MEGF10: variants seen among roughly 807,000 people sequenced by gnomAD.
The protein encoded by MEGF10 is multiple epidermal growth factor-like domains protein 10.
In MEGF10, 86 loss-of-function variants were observed where a neutral mutation model predicts 147.5. The observed-to-expected ratio is 0.58, with a 90% CI of 0.49 to 0.70. The LOEUF is 0.70. MEGF10 is among the 30% of genes least tolerant of loss of function. The pLI is 0.00. For synonymous variants in MEGF10, 478 were observed against 525.5 expected, an observed-to-expected ratio of 0.91 and a Z score of 1.24; for missense variants, 1,329 against 1,487.3, an observed-to-expected ratio of 0.89 and a Z score of 1.75.
chr5:127,392,586 C>T (rs1763745416), intron 5 of MEGF10, among the ~76,000 whole-genome samples: 1 of 152,172 alleles, frequency 6.6e-6, no homozygotes, highest in Non-Finnish European at 1.5e-5. Context: ...AGCCTGTGCT[C>T]TTTATTTTCC....
At chr5:127,249,579 A>G in the MEGF10 span, among the ~76,000 whole-genome samples, 1 of 152,062 alleles carries the variant, frequency 6.6e-6, no homozygotes, top group East Asian at 1.9e-4. Flanking sequence ...AATGTACTAA[A>G]TATTACAATT....
At chr5:127,300,088 CT>C (rs1238592174) in intron 1 of MEGF10, 1 of 152,208 alleles carries the variant, frequency 6.6e-6, no homozygotes, top group Non-Finnish European at 1.5e-5. Flanking sequence ...CATTCCCCCC[CT>C]CTGTTACAGT....
At chr5:127,323,750 T>C (rs1298899804) in intron 1 of MEGF10, among the ~76,000 whole-genome samples, 1 of 152,202 alleles carries the variant, frequency 6.6e-6, no homozygotes, top group African/African-American at 2.4e-5. Flanking sequence ...CTGGTGGTTC[T>C]AGCTCAGGGT....
At chr5:127,347,938 A>G (rs1249902854) in intron 4 of MEGF10, among the ~76,000 whole-genome samples, 2 of 152,202 alleles carry the variant, frequency 1.3e-5, no homozygotes, top group South Asian at 2.1e-4. Context: ...CTAGTAAGAT[A>G]TATTAAAGTG....
At chr5:127,237,793 C>T in the MEGF10 span, among the ~76,000 whole-genome samples, 2 of 152,042 alleles carry the variant, frequency 1.3e-5, no homozygotes, top group African/African-American at 2.4e-5. Flanking sequence ...CCTCTCCCTC[C>T]ACCTCTTTGC....
chr5:127,269,094 C>T, the MEGF10 span, among the ~76,000 whole-genome samples: 52 of 152,264 alleles, frequency 3.4e-4, no homozygotes, highest in African/African-American at 1.2e-3. Context: ...CTGTTGGTCA[C>T]CATCATCAAA....
chr5:127,240,334 G>A, the MEGF10 span, among the ~76,000 whole-genome samples: 3 of 152,202 alleles, frequency 2.0e-5, no homozygotes, highest in African/African-American at 7.2e-5. Context: ...TAACATCCTA[G>A]TTGGAATTAT....
chr5:127,368,661 T>C (rs903348541), intron 4 of MEGF10, among the ~76,000 whole-genome samples: 11 of 152,190 alleles, frequency 7.2e-5, no homozygotes, highest in African/African-American at 1.9e-4. Flanking sequence ...ATGCCCTCCC[T>C]TATATATCTT....
rs1331964633 is a variant in MEGF10, at chr5:127,457,130, C to T, written c.3235C>T (p.Pro1079Ser). The T allele has an allele frequency of 1.2e-6, 2 of 1,609,650 alleles. No homozygotes were observed. Among genetic ancestry groups the T allele is most frequent in the African/African-American group, 1.3e-5 (1 of 74,964 alleles). The change falls in exon 25 of 25, where the codon CCT (proline) becomes TCT (serine). Residue 1079 changes from proline to serine, a missense_variant and splice_region_variant. Around this residue, in one of 3 missense-constraint regions of MEGF10, gnomAD observed 343 missense variants for 377.9 expected, o/e 0.91. Coordinates refer to ENST00000503335, the MANE Select transcript of MEGF10 (RefSeq NM_001256545.2). ...TAATATGTCCTTGGTTATCACAGAA[C>T]CTACAGTGAGTGTTGTCCAAGGAGT... ...SANRNVYEVE[P>S]TVSVVQGVFS... is the part of the protein sequence containing the mutation.
the MEGF10 span, among the ~76,000 whole-genome samples, chr5:127,245,613 C>G: frequency 1.3e-5 from 2 of 152,160 alleles, no homozygotes; most frequent in Non-Finnish European, 2.9e-5. Context: ...CAAATGCAAT[C>G]TAATTAAACT....
intron 13 of MEGF10, among the ~76,000 whole-genome samples, chr5:127,425,618 T>A (rs1289277991): frequency 6.6e-6 from 1 of 152,088 alleles, no homozygotes; most frequent in African/African-American, 2.4e-5. Context: ...AGAATTGGCT[T>A]ATTTTTTTTT....
chr5:127,398,373 A>T (rs544819923), intron 6 of MEGF10, among the ~76,000 whole-genome samples: 1 of 152,238 alleles, frequency 6.6e-6, no homozygotes, highest in Non-Finnish European at 1.5e-5. Flanking sequence ...TAAGTGTTAC[A>T]TGAGAAGTTC....
the MEGF10 span, among the ~76,000 whole-genome samples, chr5:127,266,740 A>G: frequency 6.6e-6 from 1 of 152,296 alleles, no homozygotes; most frequent in Admixed American, 6.5e-5. Context: ...ATTGGTGTAT[A>G]AGAATGCTTG....
chr5:127,449,531 G>T lies in MEGF10; in HGVS notation c.2980+309G>T, dbSNP rs189365917. 5.9e-5 allele frequency among the ~76,000 whole-genome samples: 9 copies of T among 152,204 alleles called. No individual in the cohort carries two copies. In the East Asian group the frequency reaches 1.7e-3, roughly 29 times the overall value. On this transcript the variant is annotated intron_variant, in intron 22 of 24. Transcript: ENST00000503335. ...ATTCTCACAAGTACTCTAATAGGTG[G>T]GTACTATTGTTATCACCATCTGCAT...
chr5:127,391,102 G>GCGCGCGCGCGCA (rs1426600414), intron 5 of MEGF10, among the ~76,000 whole-genome samples: 4 of 53,894 alleles, frequency 7.4e-5, no homozygotes, highest in Admixed American at 1.8e-4. Context: ...GCGCGCGCGC[G>GCGCGCGCGCGCA]CACACACACA....
intron 4 of MEGF10, among the ~76,000 whole-genome samples, chr5:127,365,862 T>C (rs1165982707): frequency 6.6e-6 from 1 of 152,170 alleles, no homozygotes; most frequent in African/African-American, 2.4e-5. Context: ...AGAAAGGACA[T>C]GGGTAGGGAA....
chr5:127,426,881 CAGCCCTGGCTA>C (rs1317858768), intron 13 of MEGF10, among the ~76,000 whole-genome samples: 37 of 152,324 alleles, frequency 2.4e-4, no homozygotes, highest in African/African-American at 8.9e-4. Flanking sequence ...GCCTCATTCC[CAGCCCTGGCTA>C]AGATCACTGT....
chr5:127,246,897 T>C, the MEGF10 span, among the ~76,000 whole-genome samples: 27,429 of 100,866 alleles, frequency 0.27, 4,767 homozygotes, highest in Non-Finnish European at 0.35. Flanking sequence ...TATACAATAA[T>C]ATATACTATA....
At chr5:127,377,971 C>T (rs191198694) in intron 5 of MEGF10, among the ~76,000 whole-genome samples, 11 of 152,278 alleles carry the variant, frequency 7.2e-5, no homozygotes, top group East Asian at 5.8e-4. Flanking sequence ...TTCATCAGAA[C>T]GGTCCCAAAG....
Sources: gnomAD v4.1 joint callset for allele counts (sites outside exome capture counted in the v4.1 genomes callset) on GRCh38, gnomAD v4.1.1 for gene constraint, gnomAD v4.1.1 regional missense constraint, MANE v1.5 for transcripts, NCBI Gene and HGNC (gene_info 2026-07-23, HGNC 2026-07-21) for gene names.